Variants in SCIMP observed in about 807,000 individuals in gnomAD.
SCIMP encodes the protein SLP adaptor and CSK interacting membrane protein.
Under a neutral mutation model 22.0 loss-of-function variants are expected in SCIMP, and 18 were observed. The ratio of observed to expected loss-of-function variants is 0.82; its 90% CI spans 0.56 to 1.21. SCIMP has a LOEUF of 1.21. Among genes scored for constraint, SCIMP ranks in the 50% most tolerant of loss-of-function variants. SCIMP has a pLI of 0.00. For synonymous variants in SCIMP, 53 were observed against 62.2 expected, an observed-to-expected ratio of 0.85 and a Z score of 0.70; for missense variants, 155 against 171.2, an observed-to-expected ratio of 0.91 and a Z score of 0.53.
intron 1 of SCIMP, among the ~76,000 whole-genome samples, chr17:5,225,673 A>G (rs1567842430): frequency 6.6e-6 from 1 of 151,902 alleles, no homozygotes; most frequent in South Asian, 2.1e-4. Flanking sequence ...GAGGCAAGAG[A>G]ATTGCTTGAA....
At chr17:5,233,799 ATC>A (rs758513510) in intron 1 of SCIMP, 1 of 152,230 alleles carries the variant, frequency 6.6e-6, no homozygotes, top group Non-Finnish European at 1.5e-5. Context: ...CCAAACCCAG[ATC>A]TCTTCTCAAA....
intron 4 of SCIMP, 86 bp downstream of exon 4, chr17:5,214,839 A>T (rs753667246): frequency 2.4e-4 from 2 of 8,302 alleles, no homozygotes; most frequent in Non-Finnish European, 2.0e-3. Flanking sequence ...GACTCCATCT[A>T]AAAAAAAAAA....
At chr17:5,215,452 A>G (rs145076872) in intron 3 of SCIMP, among the ~76,000 whole-genome samples, 1,525 of 152,246 alleles carry the variant, frequency 0.01, 23 homozygotes, top group African/African-American at 0.035. Flanking sequence ...GTCTCTACTT[A>G]AAAATACAAA....
intron 4 of SCIMP, among the ~76,000 whole-genome samples, chr17:5,212,811 C>A (rs1598154259): frequency 6.6e-6 from 1 of 152,144 alleles, no homozygotes; most frequent in South Asian, 2.1e-4. Flanking sequence ...CTGAGCCTCA[C>A]GCCCTGTTCT....
At chr17:5,226,072 C>T (rs978485052) in intron 1 of SCIMP, among the ~76,000 whole-genome samples, 3 of 152,128 alleles carry the variant, frequency 2.0e-5, no homozygotes, top group African/African-American at 7.2e-5. Context: ...AAAAACACCG[C>T]TTGCAGAGTT....
intron 1 of SCIMP, among the ~76,000 whole-genome samples, chr17:5,229,172 C>G (rs1161402990): frequency 2.6e-5 from 4 of 152,008 alleles, no homozygotes; most frequent in African/African-American, 9.7e-5. Context: ...TTTCAAGGAA[C>G]ATGAGTGAGC....
intron 4 of SCIMP, among the ~76,000 whole-genome samples, chr17:5,211,395 A>G (rs541706242): frequency 7.2e-5 from 11 of 152,182 alleles, no homozygotes; most frequent in African/African-American, 2.6e-4. Flanking sequence ...GTGGTGGTGC[A>G]TGCCTATAGT....
intron 4 of SCIMP, among the ~76,000 whole-genome samples, chr17:5,212,029 C>G (rs1219840637): frequency 6.6e-6 from 1 of 151,516 alleles, no homozygotes; most frequent in Non-Finnish European, 1.5e-5. Flanking sequence ...GCCTGGGCAA[C>G]AGAGCGAGAC....
chr17:5,223,227 T>G, intron 2 of SCIMP, 106 bp downstream of exon 2: 1 of 1,230,042 alleles, frequency 8.1e-7, no homozygotes, highest in South Asian at 1.3e-5. Context: ...AATCCAAAAT[T>G]CAGCTCATTC....
chr17:5,223,369 T>TGA lies in SCIMP; in HGVS notation c.107_108dup (p.Ile37SerfsTer23), dbSNP rs772756112. The TGA allele has an allele frequency of 6.2e-7, 1 of 1,613,714 alleles. No individual in the cohort carries two copies. The highest frequency in any genetic ancestry group is 1.3e-5 in the African/African-American group (1 of 74,848). ...TGCCACTTACAGACACAGTACAGGA[T>TGA]GAGGCCCAGACCCACAGAGACAACG... On this transcript the variant is annotated frameshift_variant, in exon 2 of 5. Coordinates refer to ENST00000574081, the MANE Select transcript of SCIMP (RefSeq NM_207103.3). LOFTEE classifies it high-confidence loss of function.
At chr17:5,221,800 C>G (rs1959525214) in intron 2 of SCIMP, among the ~76,000 whole-genome samples, 1 of 152,136 alleles carries the variant, frequency 6.6e-6, no homozygotes, top group Admixed American at 6.6e-5. Context: ...CAGACAGAGC[C>G]TCACTCTTGT....
intron 4 of SCIMP, 59 bp from the exon 5 acceptor site, chr17:5,211,014 A>G (rs144252274): frequency 6.4e-7 from 1 of 1,551,192 alleles, no homozygotes; most frequent in African/African-American, 1.4e-5. Flanking sequence ...ATATTTTTGA[A>G]GGCAGTGGCT....
intron 4 of SCIMP, among the ~76,000 whole-genome samples, chr17:5,211,189 C>A (rs112754422): frequency 6.6e-6 from 1 of 152,152 alleles, no homozygotes; most frequent in East Asian, 1.9e-4. Context: ...TCTGCCTAAG[C>A]CTGCACTGCA....
Position 5,208,990 on chromosome 17 carries a change from CA to C in SCIMP, c.*1810del, listed in dbSNP as rs1324462398. On this transcript the variant is annotated 3_prime_UTR_variant, in exon 5 of 5. Coordinates refer to ENST00000574081, the MANE Select transcript of SCIMP (RefSeq NM_207103.3). The stretch of plus-strand genomic sequence containing the variant: ...TTACAGAACATTTATAAGACGAAAG[CA>C]TGTGTTTGAAACACTCCAATCCTTT... The C allele has an allele frequency of 6.6e-6, 1 of 152,158 alleles. No individual in the cohort carries two copies. The highest frequency in any genetic ancestry group is 1.5e-5 in the Non-Finnish European group (1 of 68,028). 9.4% of individuals were successfully genotyped at this position (152,158 alleles called of 1,614,324 possible).
chr17:5,225,053 C>T (rs1439383651), intron 1 of SCIMP, among the ~76,000 whole-genome samples: 1 of 152,160 alleles, frequency 6.6e-6, no homozygotes, highest in Non-Finnish European at 1.5e-5. Context: ...TTAGGAAGCT[C>T]CCATAGTGGC....
rs772624931 is a variant in SCIMP at position 5,210,940 on chromosome 17, G to C, written c.299C>G (p.Pro100Arg). ...TGAGTATGTAGCGGGCGGCTGACTTGGGGCTTCCTGTGGGGCTAGAATACA... is the reference window on the plus strand; with the variant it reads ...TGAGTATGTAGCGGGCGGCTGACTTCGGGCTTCCTGTGGGGCTAGAATACA... Reference protein sequence around the residue: ...SLEDSSPQEAPSQPPATYSLV... With the variant: ...SLEDSSPQEARSQPPATYSLV... Residue 100 changes from proline to arginine, a missense_variant, in exon 5 of 5, where the codon CCA (proline) becomes CGA (arginine). By Grantham distance (103) the Pro-to-Arg change is moderately radical. Transcript: ENST00000574081. 5.6e-6 allele frequency: 9 copies of C among 1,611,512 alleles called. No homozygotes were observed. In the South Asian group the frequency reaches 7.8e-5, roughly 14 times the overall value.
intron 1 of SCIMP, among the ~76,000 whole-genome samples, chr17:5,232,786 C>G (rs951816119): frequency 6.6e-6 from 1 of 151,948 alleles, no homozygotes; most frequent in African/African-American, 2.4e-5. Flanking sequence ...TCTCAGCTCA[C>G]TGCAACCTCT....
In SCIMP at chr17:5,210,230, G is replaced by A. The variant is rs1489349131; in HGVS notation, c.*571C>T. 2.6e-5 allele frequency: 4 copies of A among 152,288 alleles called. No individual in the cohort carries two copies. Among genetic ancestry groups the A allele is most frequent in the African/African-American group, 4.8e-5 (2 of 41,396 alleles). The allele number at this position is 152,288 out of a possible 1,614,324, so 9.4% of individuals were successfully genotyped here. On this transcript the variant is annotated 3_prime_UTR_variant, in exon 5 of 5. Transcript: ENST00000574081. ...GGGTGTCTAGGTGGGGAGGGTTCAC[G>A]AGAACAAAAGGTACTCCCTGCCCTT...
At chr17:5,212,133 C>T (rs1322498487) in intron 4 of SCIMP, among the ~76,000 whole-genome samples, 1 of 152,174 alleles carries the variant, frequency 6.6e-6, no homozygotes, top group East Asian at 1.9e-4. Flanking sequence ...GATGAAACAG[C>T]TCAGCTCCAT....
Sources: gnomAD v4.1 joint callset for allele counts (sites outside exome capture counted in the v4.1 genomes callset) on GRCh38, gnomAD v4.1.1 for gene constraint, MANE v1.5 for transcripts, NCBI Gene and HGNC (gene_info 2026-07-23, HGNC 2026-07-21) for gene names.